The following PTPRQ variants were observed in gnomAD, a reference collection of about 807,000 sequenced individuals.
PTPRQ encodes protein tyrosine phosphatase receptor type Q, also known as phosphatidylinositol phosphatase PTPRQ.
In PTPRQ, 199 loss-of-function variants were observed where a neutral mutation model predicts 246.0. That is an observed-to-expected ratio of 0.81 (90% CI 0.72 to 0.91). PTPRQ has a LOEUF of 0.91. Ranked by LOEUF, PTPRQ falls within the 40% of genes least tolerant of loss-of-function variation. The pLI, the probability that PTPRQ is intolerant of heterozygous loss-of-function variation, is 0.00. For missense variants in PTPRQ, 2,624 were observed against 2,528.4 expected, an observed-to-expected ratio of 1.04 and a Z score of -0.81; for synonymous variants, 869 against 853.2, an observed-to-expected ratio of 1.02 and a Z score of -0.32.
At chr12:80,645,075 A>C (rs896529465) in intron 35 of PTPRQ, among the ~76,000 whole-genome samples, 1 of 152,096 alleles carries the variant, frequency 6.6e-6, no homozygotes, top group Non-Finnish European at 1.5e-5. Context: ...CATAAATGTG[A>C]AGAACAGATT....
chr12:80,554,576 C>G (rs1156979581), intron 25 of PTPRQ, among the ~76,000 whole-genome samples: 1 of 152,102 alleles, frequency 6.6e-6, no homozygotes, highest in Non-Finnish European at 1.5e-5. Context: ...ATGTGTATTT[C>G]TGGTTTTTAG....
chr12:80,504,065 T>G (rs1894881368), intron 14 of PTPRQ, among the ~76,000 whole-genome samples: 1 of 151,716 alleles, frequency 6.6e-6, no homozygotes, highest in Non-Finnish European at 1.5e-5. Context: ...TTTGATCTGA[T>G]GTTTGATGTC....
chr12:80,666,868 C>T (rs1328735138), intron 39 of PTPRQ, among the ~76,000 whole-genome samples: 1 of 151,812 alleles, frequency 6.6e-6, no homozygotes, highest in Non-Finnish European at 1.5e-5. Context: ...CTCACCATCT[C>T]CATTGATATC....
chr12:80,619,255 C>T (rs180780042), intron 30 of PTPRQ, 129 bp from the exon 31 acceptor site: 5 of 1,098,896 alleles, frequency 4.6e-6, no homozygotes, highest in Non-Finnish European at 3.8e-6. Flanking sequence ...AAGCACAATT[C>T]TCTATAATTT....
intron 17 of PTPRQ, among the ~76,000 whole-genome samples, chr12:80,510,835 T>C (rs940327951): frequency 6.6e-6 from 1 of 152,152 alleles, no homozygotes; most frequent in African/African-American, 2.4e-5. Flanking sequence ...AAAATAGCTA[T>C]TTTTAAAGAA....
chr12:80,534,228 A>AG (rs978555555), intron 18 of PTPRQ, 53 bp downstream of exon 18: 350 of 1,411,362 alleles, frequency 2.5e-4, no homozygotes, highest in Non-Finnish European at 3.0e-4. Context: ...TTTAAAAAAA[A>AG]AATCCTGCCC....
rs1438183380 is a variant in PTPRQ at position 80,652,802 on chromosome 12, G to C, written c.6083G>C (p.Arg2028Thr). Reference protein sequence around the residue: ...SSTDADLPWNRAKNRFPNIKP... With the variant: ...SSTDADLPWNTAKNRFPNIKP... ...ACTGATGCTGATCTGCCTTGGAATA[G>C]AGCAAAAAACCGCTTCCCAAACATA... Residue 2028 changes from arginine (R) to threonine (T), a missense_variant, in exon 38 of 45, where the codon AGA becomes ACA. By Grantham distance (71) the Arg-to-Thr change is moderately conservative (BLOSUM62 -1). Coordinates refer to ENST00000644991, the MANE Select transcript of PTPRQ (RefSeq NM_001145026.2). The C allele has an allele frequency of 6.6e-7, 1 of 1,510,830 alleles. No individual in the cohort carries two copies. Among genetic ancestry groups the C allele is most frequent in the South Asian group, 1.4e-5 (1 of 73,890 alleles). The allele number at this position is 1,510,830 out of a possible 1,614,324, so 93.6% of individuals were successfully genotyped here. A position where few individuals can be genotyped will look rare whatever the true frequency, so the allele number is the denominator to read the frequency against.
intron 39 of PTPRQ, among the ~76,000 whole-genome samples, chr12:80,666,032 A>G (rs1423783264): frequency 2.0e-5 from 3 of 152,010 alleles, no homozygotes; most frequent in Non-Finnish European, 4.4e-5. Flanking sequence ...AAATACAACC[A>G]TCATTATGAC....
At chr12:80,625,653 C>T (rs1012176117) in intron 33 of PTPRQ, among the ~76,000 whole-genome samples, 1 of 152,066 alleles carries the variant, frequency 6.6e-6, no homozygotes, top group Non-Finnish European at 1.5e-5. Flanking sequence ...CCAGGTAGAA[C>T]TTCACTGGAT....
chr12:80,590,632 C>A (rs1360643942), intron 26 of PTPRQ, among the ~76,000 whole-genome samples: 1 of 138,050 alleles, frequency 7.2e-6, no homozygotes, highest in Admixed American at 7.8e-5. Context: ...CGCACCACTG[C>A]ACTCCAGCCT....
chr12:80,645,551 A>G (rs1900042149), intron 35 of PTPRQ, among the ~76,000 whole-genome samples: 1 of 151,456 alleles, frequency 6.6e-6, no homozygotes, highest in Non-Finnish European at 1.5e-5. Flanking sequence ...CTAGTAAGCC[A>G]AGTGTTAATC....
chr12:80,510,464 A>T (rs896783140), intron 17 of PTPRQ, 21 bp downstream of exon 17: 1 of 1,524,988 alleles, frequency 6.6e-7, no homozygotes, highest in African/African-American at 1.4e-5. Context: ...TTTTTTTGGA[A>T]ATAGTTCTGA....
At chr12:80,523,155 G>A (rs1345242270) in intron 17 of PTPRQ, among the ~76,000 whole-genome samples, 1 of 152,180 alleles carries the variant, frequency 6.6e-6, no homozygotes, top group African/African-American at 2.4e-5. Context: ...TTGCATAGAG[G>A]TGTTTATAGT....
chr12:80,638,285 AT>A (rs1592746152), intron 35 of PTPRQ, among the ~76,000 whole-genome samples: 2 of 150,240 alleles, frequency 1.3e-5, no homozygotes, highest in Non-Finnish European at 3.0e-5. Context: ...AAAAAAAAAA[AT>A]CTACCCAGCT....
intron 33 of PTPRQ, among the ~76,000 whole-genome samples, chr12:80,629,883 G>T (rs1396121016): frequency 6.6e-6 from 1 of 152,118 alleles, no homozygotes; most frequent in Non-Finnish European, 1.5e-5. Flanking sequence ...ATGGTGTCAT[G>T]AACCCCCAAA....
chr12:80,524,425 G>C (rs1895616796), intron 17 of PTPRQ, among the ~76,000 whole-genome samples: 1 of 152,142 alleles, frequency 6.6e-6, no homozygotes, highest in Non-Finnish European at 1.5e-5. Flanking sequence ...ACATGGAACT[G>C]TGAGTCCATT....
chr12:80,615,551 C>G (rs2121115710), intron 29 of PTPRQ, among the ~76,000 whole-genome samples: 1 of 151,170 alleles, frequency 6.6e-6, no homozygotes, highest in South Asian at 2.1e-4. Context: ...GTAAATCACC[C>G]TCTGTGTATA....
At chr12:80,453,136 C>A (rs1002605218) in intron 3 of PTPRQ, among the ~76,000 whole-genome samples, 1 of 152,060 alleles carries the variant, frequency 6.6e-6, no homozygotes, top group Non-Finnish European at 1.5e-5. Context: ...TCACTGATAC[C>A]CTTTCTTCCA....
rs187394184 is a variant in PTPRQ, at chr12:80,460,724, G to A, written c.732G>A (p.Ser244=). The change falls in exon 6 of 45, where the codon TCG becomes TCA. Residue 244 remains serine (S), a synonymous_variant. Coordinates refer to ENST00000644991, the MANE Select transcript of PTPRQ (RefSeq NM_001145026.2). Reference sequence around the variant, plus strand: ...CCCTTGGTAGAGTTACACCTCCATCGCGTACCACACATTCATCAAGCACGT... The same window carrying A: ...CCCTTGGTAGAGTTACACCTCCATCACGTACCACACATTCATCAAGCACGT... ...SPTLGRVTPP[S]RTTHSSSTLT... The A allele has an allele frequency of 1.8e-3, 718 of 399,774 alleles. 1 individual carries two copies. The highest frequency in any genetic ancestry group is 2.4e-3 in the Non-Finnish European group (549 of 226,192). The allele number at this position is 399,774 out of a possible 1,614,324, so 24.8% of individuals were successfully genotyped here. A position where few individuals can be genotyped will look rare whatever the true frequency, so the allele number is the denominator to read the frequency against.
Sources: gnomAD v4.1 joint callset for allele counts (sites outside exome capture counted in the v4.1 genomes callset) on GRCh38, gnomAD v4.1.1 for gene constraint, MANE v1.5 for transcripts, NCBI Gene and HGNC (gene_info 2026-07-23, HGNC 2026-07-21) for gene names.